TELO2: variants seen among roughly 807,000 people sequenced by gnomAD.
TELO2 encodes telomere length regulation protein TEL2 homolog.
TELO2 carries 71 observed loss-of-function variants against 91.0 expected under a neutral mutation model. The ratio of observed to expected loss-of-function variants is 0.78; its 90% CI spans 0.64 to 0.95. TELO2 has a LOEUF of 0.95. TELO2 is among the 40% of genes least tolerant of loss of function. The probability of loss-of-function intolerance (pLI) is 0.00; values close to 1 mark genes in which losing one functional copy is unlikely to be tolerated. For missense variants in TELO2, 1,183 were observed against 1,141.3 expected, an observed-to-expected ratio of 1.04 and a Z score of -0.53; for synonymous variants, 584 against 518.9, an observed-to-expected ratio of 1.13 and a Z score of -1.71.
At chr16:1,495,205 C>T (rs182159136) in intron 2 of TELO2, 141 bp from the exon 3 acceptor site, 9 of 1,219,098 alleles carry the variant, frequency 7.4e-6, no homozygotes, top group South Asian at 6.3e-5. Context: ...CAGATTTTCC[C>T]ATCCGGCTTG....
chr16:1,495,841 G>A (rs1428019663), intron 3 of TELO2, among the ~76,000 whole-genome samples: 3 of 152,378 alleles, frequency 2.0e-5, no homozygotes, highest in African/African-American at 4.8e-5. Context: ...TCTTGTCCCT[G>A]CAGTCCCTTG....
rs747348625 is a variant in TELO2, at chr16:1,494,563, C to A, written c.282C>A (p.Gly94=). The A allele has an allele frequency of 1.2e-6, 2 of 1,613,464 alleles. No individual in the cohort carries two copies. Among genetic ancestry groups the A allele is most frequent in the African/African-American group, 2.7e-5 (2 of 75,032 alleles). The change falls in exon 2 of 21, where the codon GGC becomes GGA. Residue 94 remains glycine (G), a synonymous_variant. Coordinates refer to ENST00000262319, the MANE Select transcript of TELO2 (RefSeq NM_016111.4). This position sits in a 1 kb window ranked among gnomAD's most constrained non-coding sequence, Gnocchi z 5.6. ...TGTGGGCCAGCTTCTTCCTGGAGGG[C>A]CCGGCGGACCAAGCCTTCCTGGTGT... ...EELWASFFLE[G]PADQAFLVLM...
chr16:1,510,239 A>G lies in TELO2; in HGVS notation c.*303A>G. ...GGCAGAACCAGGCTGGCAGGAGGGG[A>G]GGACGGTGTACCTGCTGCTCAGAGC... On this transcript the variant is annotated 3_prime_UTR_variant, in exon 21 of 21. Coordinates refer to ENST00000262319, the MANE Select transcript of TELO2 (RefSeq NM_016111.4). The G allele has an allele frequency of 2.4e-6, 1 of 411,532 alleles. No homozygotes were observed. The highest frequency in any genetic ancestry group is 4.6e-6 in the Non-Finnish European group (1 of 219,628). 25.5% of individuals were successfully genotyped at this position (411,532 alleles called of 1,614,324 possible).
Position 1,509,850 on chromosome 16 carries a change from G to A in TELO2, c.2428G>A (p.Asp810Asn). Residue 810 changes from aspartate (D) to asparagine (N), a missense_variant, in exon 21 of 21, where the codon GAC becomes AAC. By Grantham distance (23) the Asp-to-Asn change is conservative. Transcript: ENST00000262319. ...WLADVAEKDP[D>N]EDCRTLALRA... ...GGCAGACGTGGCTGAGAAAGACCCG[G>A]ACGAGGACTGCAGGACGCTGGCACT... 6.2e-7 allele frequency: 1 copy of A among 1,612,442 alleles called. No homozygotes were observed. The highest frequency in any genetic ancestry group is 8.5e-7 in the Non-Finnish European group (1 of 1,179,756).
rs1044451667 is a variant in TELO2, at chr16:1,505,203, C to T, written c.1843-207C>T. 17 of 592,902 alleles carry T rather than the reference C, an allele frequency of 2.9e-5. No homozygotes were observed. Among genetic ancestry groups the T allele is most frequent in the African/African-American group, 2.2e-4 (12 of 53,838 alleles). The allele number at this position is 592,902 out of a possible 1,614,324, so 36.7% of individuals were successfully genotyped here. ...GGGCGTGTTCTCATCTCCTGGAGCA[C>T]GGTGCCCACCTTCCCCACCTTCCCG... On this transcript the variant is annotated intron_variant, in intron 15 of 20. Transcript: ENST00000262319. This position sits in a 1 kb window ranked among gnomAD's most constrained non-coding sequence, Gnocchi z 4.3.
Position 1,495,328 on chromosome 16 carries a change from A to G in TELO2, c.336-18A>G. 6.5e-7 allele frequency: 1 copy of G among 1,527,140 alleles called. No individual in the cohort carries two copies. The highest frequency in any genetic ancestry group is 1.2e-5 in the South Asian group (1 of 82,642). 94.6% of individuals were successfully genotyped at this position (1,527,140 alleles called of 1,614,324 possible). ...GGATGGGGGTTGGCGGCTCTGCCCA[A>G]CACGCCCGTATCTTCAGCCCCAGCT... On this transcript the variant is annotated intron_variant, in intron 2 of 20. Transcript: ENST00000262319.
At position 1,510,087 on chromosome 16, in the gene TELO2, C is replaced by T. The variant is rs1014084680; in HGVS notation, c.*151C>T. The T allele has an allele frequency of 1.1e-5, 7 of 653,832 alleles. No homozygotes were observed. The highest frequency in any genetic ancestry group is 5.7e-5 in the South Asian group (3 of 52,546). 40.5% of individuals were successfully genotyped at this position (653,832 alleles called of 1,614,324 possible). On this transcript the variant is annotated 3_prime_UTR_variant, in exon 21 of 21. Transcript: ENST00000262319. Reference sequence around the variant, plus strand: ...GCAGATGCAGGAAGGCCCGGCCTGCCGCTATTTATAGTGCAGCCAGTCCGC... The same window carrying T: ...GCAGATGCAGGAAGGCCCGGCCTGCTGCTATTTATAGTGCAGCCAGTCCGC...
At chr16:1,506,122 G>T in intron 16 of TELO2, 116 bp from the exon 17 acceptor site, 1 of 1,151,398 alleles carries the variant, frequency 8.7e-7, no homozygotes, top group Non-Finnish European at 1.3e-6. Flanking sequence ...AGAGTAGCCC[G>T]GGGAGGCAAG....
At chr16:1,499,024 C>T (rs984377875) in intron 5 of TELO2, among the ~76,000 whole-genome samples, 5 of 152,278 alleles carry the variant, frequency 3.3e-5, no homozygotes, top group South Asian at 2.1e-4. Flanking sequence ...CTGCGGTGCA[C>T]GCGCTCTCTG....
chr16:1,501,289 A>G, intron 9 of TELO2, 131 bp from the exon 10 acceptor site: 3 of 947,616 alleles, frequency 3.2e-6, no homozygotes, highest in Non-Finnish European at 3.2e-6. Context: ...ACACCTGGCT[A>G]TCCAGGGCCC....
chr16:1,499,373 A>G (rs2039597929), intron 6 of TELO2, 40 bp downstream of exon 6: 1 of 1,599,648 alleles, frequency 6.3e-7, no homozygotes, highest in African/African-American at 1.3e-5. Flanking sequence ...TGGCTGCCCC[A>G]TCACAGCAAG....
Position 1,497,089 on chromosome 16 carries a change from G to A in TELO2, c.667G>A (p.Val223Ile). Reference sequence around the variant, plus strand: ...GTCTCAGGTCCTTGGGAAAGCCTGTGTCCACGGGAGGCAGCGTGAGTAGAG... The same window carrying A: ...GTCTCAGGTCCTTGGGAAAGCCTGTATCCACGGGAGGCAGCGTGAGTAGAG... The part of the protein sequence containing the change: ...FVSQVLGKAC[V>I]HGRQQEILGV... The change falls in exon 4 of 21, where the codon GTC (valine) becomes ATC (isoleucine). Residue 223 changes from valine (V) to isoleucine (I), a missense_variant. Transcript: ENST00000262319. This position sits in a 1 kb window ranked among gnomAD's most constrained non-coding sequence, Gnocchi z 4.0. 1 of 1,614,040 alleles carries A rather than the reference G, an allele frequency of 6.2e-7. No homozygotes were observed. Among genetic ancestry groups the A allele is most frequent in the Non-Finnish European group, 8.5e-7 (1 of 1,179,990 alleles).
chr16:1,499,702 G>A (rs951535925), intron 6 of TELO2, among the ~76,000 whole-genome samples: 2 of 152,166 alleles, frequency 1.3e-5, no homozygotes, highest in African/African-American at 2.4e-5. Context: ...AGCCCGGAGG[G>A]GGTGAGCCAG....
chr16:1,506,891 G>C (rs2039911807), intron 17 of TELO2, 61 bp from the exon 18 acceptor site: 2 of 1,512,696 alleles, frequency 1.3e-6, no homozygotes, highest in East Asian at 4.8e-5. Context: ...CGGTGGCCCA[G>C]GAGGTTGGGG....
At chr16:1,509,582 A>C (rs1443617176) in intron 20 of TELO2, among the ~76,000 whole-genome samples, 1 of 152,172 alleles carries the variant, frequency 6.6e-6, no homozygotes, top group Non-Finnish European at 1.5e-5. Context: ...GCCCCACCCC[A>C]GGCCCCTTTC....
In TELO2 at chr16:1,502,389, C is replaced by T; in HGVS notation, c.1638C>T (p.Pro546=). 6.2e-7 allele frequency: 1 copy of T among 1,600,276 alleles called. No individual in the cohort carries two copies. The highest frequency in any genetic ancestry group is 2.3e-5 in the East Asian group (1 of 44,384). Residue 546 remains proline, a synonymous_variant, in exon 13 of 21, where the codon CCC becomes CCT. Coordinates refer to ENST00000262319, the MANE Select transcript of TELO2 (RefSeq NM_016111.4). ...TTGAGGGCCTGGTCTACAGGAGCCC[C>T]ACAGCCACTCGGGAGGTGAGTGGGG... ...RALEGLVYRS[P]TATREVSVEL...
chr16:1,495,758 C>A, intron 3 of TELO2, 135 bp downstream of exon 3: 1 of 1,267,710 alleles, frequency 7.9e-7, no homozygotes, highest in South Asian at 1.5e-5. Flanking sequence ...GGGGATGTCC[C>A]TGTCCCGCAC....
At chr16:1,509,133 C>A (rs567370945) in intron 20 of TELO2, among the ~76,000 whole-genome samples, 4 of 152,292 alleles carry the variant, frequency 2.6e-5, no homozygotes, top group Admixed American at 2.6e-4. Context: ...TCGGTACCTG[C>A]GACGTCATCA....
rs2039411222 is a variant in TELO2 at position 1,494,560 on chromosome 16, G to A, written c.279G>A (p.Glu93=). ...AGCTGTGGGCCAGCTTCTTCCTGGA[G>A]GGCCCGGCGGACCAAGCCTTCCTGG... ...LEELWASFFL[E]GPADQAFLVL... The change falls in exon 2 of 21, where the codon GAG becomes GAA. Residue 93 remains glutamate, a synonymous_variant. Coordinates refer to ENST00000262319, the MANE Select transcript of TELO2 (RefSeq NM_016111.4). This position sits in a 1 kb window ranked among gnomAD's most constrained non-coding sequence, Gnocchi z 5.6. The A allele has an allele frequency of 1.9e-6, 3 of 1,613,556 alleles. No individual in the cohort carries two copies. The highest frequency in any genetic ancestry group is 2.5e-6 in the Non-Finnish European group (3 of 1,179,954).
Sources: allele counts gnomAD v4.1 joint callset (sites outside exome capture counted in the v4.1 genomes callset), GRCh38; gene constraint gnomAD v4.1.1; non-coding constraint Gnocchi (gnomAD v3.1); transcripts MANE v1.5; gene names NCBI Gene and HGNC (gene_info 2026-07-23, HGNC 2026-07-21).